The following EPB41L2 variants were observed in gnomAD, a reference collection of about 807,000 sequenced individuals.
EPB41L2 encodes erythrocyte membrane protein band 4.1 like 2, also known as band 4.1-like protein 2.
A neutral mutation model predicts 113.0 loss-of-function variants in EPB41L2; 43 were observed. The ratio of observed to expected loss-of-function variants is 0.38; its 90% CI spans 0.30 to 0.49. The LOEUF is 0.49. EPB41L2 is among the 20% of genes least tolerant of loss of function. EPB41L2 has a pLI of 0.95. For missense variants in EPB41L2, 1,147 were observed against 1,223.4 expected (o/e 0.94, Z 0.93); for synonymous variants, 442 against 436.7 (o/e 1.01, Z -0.15).
At chr6:130,853,454 C>A (rs1164380829) in intron 19 of EPB41L2, among the ~76,000 whole-genome samples, 1 of 152,174 alleles carries the variant, frequency 6.6e-6, no homozygotes, top group African/African-American at 2.4e-5. Flanking sequence ...TATTTTTCAT[C>A]CATGTGAGGG....
chr6:131,056,936 A>G (rs1456270177), intron 1 of EPB41L2, among the ~76,000 whole-genome samples: 1 of 152,222 alleles, frequency 6.6e-6, no homozygotes, highest in East Asian at 1.9e-4. Context: ...GGCCAGGATT[A>G]TATCAGAATT....
In EPB41L2 at chr6:130,885,200, A is replaced by T; in HGVS notation, c.1729T>A (p.Tyr577Asn). The T allele has an allele frequency of 6.2e-7, 1 of 1,614,170 alleles. No homozygotes were observed. Among genetic ancestry groups the T allele is most frequent in the Non-Finnish European group, 8.5e-7 (1 of 1,180,008 alleles). The change falls in exon 12 of 20, where the codon TAT becomes AAT. Residue 577 changes from tyrosine (Y) to asparagine (N), a missense_variant. Coordinates refer to ENST00000337057, the MANE Select transcript of EPB41L2 (RefSeq NM_001431.4). ...GCAATGCTGACAAGTCCAGGTCCATAGGCTGAAATCTCCCCAGCAGCGCCA... is the reference window on the plus strand; with the variant it reads ...GCAATGCTGACAAGTCCAGGTCCATTGGCTGAAATCTCCCCAGCAGCGCCA... Reference protein sequence around the residue: ...FPGAAGEISAYGPGLVSIAVV... With the variant: ...FPGAAGEISANGPGLVSIAVV...
intron 4 of EPB41L2, among the ~76,000 whole-genome samples, chr6:130,911,142 T>C (rs895455655): frequency 3.3e-5 from 5 of 152,174 alleles, no homozygotes; most frequent in South Asian, 2.1e-4. Flanking sequence ...CTATCAATGA[T>C]AGACTGGATA....
intron 14 of EPB41L2, among the ~76,000 whole-genome samples, chr6:130,870,995 T>C (rs975485186): frequency 3.9e-5 from 6 of 152,176 alleles, no homozygotes; most frequent in African/African-American, 1.2e-4. Context: ...TGTTTCCTTT[T>C]ACAATTTAGC....
At chr6:130,885,465 G>A (rs954483530) in intron 11 of EPB41L2, among the ~76,000 whole-genome samples, 197 bp from the exon 12 acceptor site, 1 of 152,138 alleles carries the variant, frequency 6.6e-6, no homozygotes, top group East Asian at 1.9e-4. Flanking sequence ...AAAGTATTCT[G>A]AATTTTAATG....
intron 3 of EPB41L2, among the ~76,000 whole-genome samples, chr6:130,930,297 C>T (rs1429187654): frequency 1.3e-5 from 2 of 152,182 alleles, no homozygotes; most frequent in African/African-American, 4.8e-5. Flanking sequence ...AAAGACCACA[C>T]CTCACTAAAT....
intron 10 of EPB41L2, among the ~76,000 whole-genome samples, chr6:130,893,900 T>G (rs1185761711): frequency 6.6e-6 from 1 of 151,840 alleles, no homozygotes; most frequent in African/African-American, 2.4e-5. Flanking sequence ...AGAGGAGGGA[T>G]AGTGGAAAGA....
chr6:130,904,606 TAAAGGTCAAGGATC>T, intron 5 of EPB41L2, 66 bp from the exon 6 acceptor site: 1 of 1,143,172 alleles, frequency 8.7e-7, no homozygotes, highest in East Asian at 2.4e-5. Flanking sequence ...TGATAAAATT[TAAAGGTCAAGGATC>T]AAACAGTACA....
intron 1 of EPB41L2, among the ~76,000 whole-genome samples, chr6:131,005,553 A>C (rs1785307198): frequency 1.3e-5 from 2 of 152,230 alleles, no homozygotes; most frequent in Non-Finnish European, 2.9e-5. Context: ...CCAAGCCTTC[A>C]CATGTATAAT....
chr6:130,867,787 T>G (rs1481259097), intron 15 of EPB41L2: 1 of 548,774 alleles, frequency 1.8e-6, no homozygotes, highest in Non-Finnish European at 3.3e-6. Flanking sequence ...CATACATACA[T>G]GTGCACATAG....
At chr6:131,035,528 A>T (rs1419457139) in intron 1 of EPB41L2, among the ~76,000 whole-genome samples, 2 of 152,206 alleles carry the variant, frequency 1.3e-5, no homozygotes, top group East Asian at 3.8e-4. Flanking sequence ...AAGTCAATAA[A>T]TATTTACTGA....
At position 130,946,200 on chromosome 6, in the gene EPB41L2, C is replaced by CAAAT. The variant is rs772154190; in HGVS notation, c.705+8901_705+8904dup. 3.3e-5 allele frequency among the ~76,000 whole-genome samples: 5 copies of CAAAT among 152,240 alleles called. No homozygotes were observed. The South Asian group carries it at 1.0e-3, about 32-fold the overall frequency. On this transcript the variant is annotated intron_variant, in intron 3 of 19. Coordinates refer to ENST00000337057, the MANE Select transcript of EPB41L2 (RefSeq NM_001431.4). ...CAGTACCTACCACAAAGATTTGGAA[C>CAAAT]AAATGCACAAAGAGAGCCTAGGCCT...
chr6:130,842,553 C>T (rs948082686), intron 19 of EPB41L2, among the ~76,000 whole-genome samples: 1 of 152,058 alleles, frequency 6.6e-6, no homozygotes, highest in Non-Finnish European at 1.5e-5. Context: ...AAAACAAACC[C>T]CTGATGCTAT....
In EPB41L2 at chr6:131,022,609, C is replaced by A. The variant is rs985858905; in HGVS notation, c.-15+40546G>T. Reference sequence around the variant, plus strand: ...TTCCTCAACTGTAAAAGGAAAATAACTGATAGCACCTATGTCAAAATTAAG... The same window carrying A: ...TTCCTCAACTGTAAAAGGAAAATAAATGATAGCACCTATGTCAAAATTAAG... On this transcript the variant is annotated intron_variant, in intron 1 of 19. Coordinates refer to ENST00000337057, the MANE Select transcript of EPB41L2 (RefSeq NM_001431.4). Among the ~76,000 whole-genome samples, 4 of 152,268 alleles carry A rather than the reference C, an allele frequency of 2.6e-5. 1 individual carries two copies. In the Middle Eastern group the frequency reaches 0.01, roughly 388 times the overall value.
intron 1 of EPB41L2, among the ~76,000 whole-genome samples, chr6:130,987,861 C>T (rs1208651538): frequency 6.6e-6 from 1 of 150,968 alleles, no homozygotes; most frequent in Non-Finnish European, 1.5e-5. Context: ...ACCTATAATC[C>T]CAATACTTTG....
In EPB41L2 at chr6:130,972,937, CAAAAAAAAAAAA is replaced by C. The variant is rs57293132; in HGVS notation, c.-14-16450_-14-16439del. On this transcript the variant is annotated intron_variant, in intron 1 of 19. Coordinates refer to ENST00000337057, the MANE Select transcript of EPB41L2 (RefSeq NM_001431.4). ...TGAAACCCCATCTCTACTAAAGATA[CAAAAAAAAAAAA>C]AAAAAAAAAAAAAACAGCCGGGTGT... 2.1e-3 allele frequency among the ~76,000 whole-genome samples: 123 copies of C among 59,520 alleles called. 2 individuals are homozygous for C. Among genetic ancestry groups the C allele is most frequent in the African/African-American group, 7.4e-3 (104 of 14,036 alleles). The allele number at this position is 59,520 out of a possible 152,430, so 39.0% of individuals were successfully genotyped here.
rs1778593521 is a variant in EPB41L2, at chr6:130,850,875, T to C, written c.*5+7256A>G. 1.3e-5 allele frequency among the ~76,000 whole-genome samples: 2 copies of C among 152,216 alleles called. 1 individual carries two copies. The highest frequency in any genetic ancestry group is 4.1e-4 in the South Asian group (2 of 4,832). On this transcript the variant is annotated intron_variant, in intron 19 of 19. Transcript: ENST00000337057. ...GGGGGGAGTTCAAATAGATTGTAAC[T>C]GACTCATTGATAACACCTGGTAGAT...
intron 12 of EPB41L2, among the ~76,000 whole-genome samples, chr6:130,884,191 G>C (rs928905988): frequency 6.6e-6 from 1 of 151,840 alleles, no homozygotes; most frequent in Non-Finnish European, 1.5e-5. Context: ...AAATTAGCCG[G>C]GCACGTGGTG....
At chr6:130,932,120 A>G (rs573494820) in intron 3 of EPB41L2, among the ~76,000 whole-genome samples, 1 of 152,306 alleles carries the variant, frequency 6.6e-6, no homozygotes, top group Non-Finnish European at 1.5e-5. Flanking sequence ...TTTAAATATG[A>G]TTTTAAAGTT....
Sources: gnomAD v4.1 joint callset for allele counts (sites outside exome capture counted in the v4.1 genomes callset) on GRCh38, gnomAD v4.1.1 for gene constraint, MANE v1.5 for transcripts, NCBI Gene and HGNC (gene_info 2026-07-23, HGNC 2026-07-21) for gene names.